The following TSPAN15 variants were observed in gnomAD, a reference collection of about 807,000 sequenced individuals.
TSPAN15 encodes tetraspanin 15.
A neutral mutation model predicts 34.5 loss-of-function variants in TSPAN15; 20 were observed. That is an observed-to-expected ratio of 0.58 (90% CI 0.41 to 0.84). TSPAN15 has a LOEUF of 0.84. TSPAN15 is among the 40% of genes least tolerant of loss of function. The probability of loss-of-function intolerance (pLI) is 0.00; values close to 1 mark genes in which losing one functional copy is unlikely to be tolerated. For missense variants in TSPAN15, 313 were observed against 386.1 expected, an observed-to-expected ratio of 0.81 and a Z score of 1.59; for synonymous variants, 155 against 153.9, an observed-to-expected ratio of 1.01 and a Z score of -0.05.
intron 1 of TSPAN15, among the ~76,000 whole-genome samples, chr10:69,479,276 C>G (rs1841680857): frequency 6.6e-6 from 1 of 152,226 alleles, no homozygotes; most frequent in Non-Finnish European, 1.5e-5. Context: ...GGCACAGGTG[C>G]TGGAATGCCT....
intron 1 of TSPAN15, among the ~76,000 whole-genome samples, chr10:69,466,158 A>T (rs192389287): frequency 2.0e-5 from 3 of 152,304 alleles, no homozygotes; most frequent in Admixed American, 6.5e-5. Context: ...TGCATCCTTT[A>T]ATTTTTATTT....
the TSPAN15 span, among the ~76,000 whole-genome samples, chr10:69,533,890 G>A: frequency 2.0e-4 from 31 of 152,150 alleles, no homozygotes; most frequent in African/African-American, 3.1e-4. Context: ...CCCAGATGGC[G>A]TCTGCTGCAG....
the TSPAN15 span, among the ~76,000 whole-genome samples, chr10:69,549,459 A>C: frequency 1.1e-4 from 16 of 152,290 alleles, no homozygotes; most frequent in East Asian, 3.1e-3. Context: ...CCACCATCTG[A>C]GACATGGCTT....
At chr10:69,517,342 T>C in the TSPAN15 span, among the ~76,000 whole-genome samples, 1 of 152,200 alleles carries the variant, frequency 6.6e-6, no homozygotes, top group Non-Finnish European at 1.5e-5. Context: ...AGGCAGTTCT[T>C]GGAGCAGCTT....
At chr10:69,496,487 G>A (rs952102340) in intron 4 of TSPAN15, among the ~76,000 whole-genome samples, 2 of 152,100 alleles carry the variant, frequency 1.3e-5, no homozygotes, top group Non-Finnish European at 2.9e-5. Flanking sequence ...CTCTTGGGGC[G>A]TCGTCATGAG....
intron 1 of TSPAN15, 65 bp downstream of exon 1, chr10:69,451,755 G>A (rs528410324): frequency 7.6e-7 from 1 of 1,319,150 alleles, no homozygotes. Flanking sequence ...CCCCCTCACT[G>A]GCCCGGGGTT....
chr10:69,478,800 A>T (rs746316118), intron 1 of TSPAN15, among the ~76,000 whole-genome samples: 4 of 152,278 alleles, frequency 2.6e-5, no homozygotes, highest in Non-Finnish European at 5.9e-5. Context: ...AGCGCATTCA[A>T]TCACAAGATC....
intron 1 of TSPAN15, 130 bp from the exon 2 acceptor site, chr10:69,483,561 C>T (rs1004880770): frequency 1.0e-6 from 1 of 959,624 alleles, no homozygotes. Flanking sequence ...CAGCCGCTAA[C>T]AGGGCCCTTT....
the TSPAN15 span, among the ~76,000 whole-genome samples, chr10:69,522,778 A>G: frequency 6.8e-6 from 1 of 147,908 alleles, no homozygotes; most frequent in Non-Finnish European, 1.5e-5. Flanking sequence ...ATTCATGGAA[A>G]AATTATCTTC....
intron 1 of TSPAN15, among the ~76,000 whole-genome samples, chr10:69,461,426 T>G (rs1324065907): frequency 1.3e-5 from 2 of 152,194 alleles, no homozygotes; most frequent in Admixed American, 6.5e-5. Context: ...TTTTCCCTCT[T>G]CAGAGCCCTC....
chr10:69,506,341 C>T lies in TSPAN15; in HGVS notation c.735+101C>T. 8.7e-7 allele frequency: 1 copy of T among 1,144,984 alleles called. No homozygotes were observed. The highest frequency in any genetic ancestry group is 1.3e-6 in the Non-Finnish European group (1 of 781,380). The allele number at this position is 1,144,984 out of a possible 1,614,324, so 70.9% of individuals were successfully genotyped here. A position where few individuals can be genotyped will look rare whatever the true frequency, so the allele number is the denominator to read the frequency against. On this transcript the variant is annotated intron_variant, in intron 7 of 7. Transcript: ENST00000373290. The surrounding 1 kb of genome is among the most constrained non-coding windows in gnomAD (Gnocchi z 4.7). ...CGAAGAGGCTTTTTTCATAGAAGTCCAGGACTTGCCTGGGGAGGGCTGCAT... is the reference window on the plus strand; with the variant it reads ...CGAAGAGGCTTTTTTCATAGAAGTCTAGGACTTGCCTGGGGAGGGCTGCAT...
At chr10:69,468,283 C>A (rs1292346715) in intron 1 of TSPAN15, among the ~76,000 whole-genome samples, 1 of 152,232 alleles carries the variant, frequency 6.6e-6, no homozygotes, top group Non-Finnish European at 1.5e-5. Flanking sequence ...TGGCTGCCCA[C>A]AGCCTGCCTG....
intron 1 of TSPAN15, among the ~76,000 whole-genome samples, chr10:69,453,944 C>G (rs1382560557): frequency 3.9e-5 from 6 of 152,260 alleles, no homozygotes; most frequent in Non-Finnish European, 8.8e-5. Flanking sequence ...CCTGCCAACT[C>G]TGCCAGAGCA....
At chr10:69,473,420 C>T (rs1054376305) in intron 1 of TSPAN15, among the ~76,000 whole-genome samples, 12 of 152,138 alleles carry the variant, frequency 7.9e-5, no homozygotes, top group African/African-American at 1.9e-4. Flanking sequence ...CATTGCTGTC[C>T]GCTTTAGGGT....
chr10:69,522,926 T>G, the TSPAN15 span, among the ~76,000 whole-genome samples: 1 of 148,112 alleles, frequency 6.8e-6, no homozygotes. Context: ...TAAATTTTGA[T>G]GAAGTCCAAT....
At position 69,462,924 on chromosome 10, in the gene TSPAN15, C is replaced by A. The variant is rs140762010; in HGVS notation, c.96+11234C>A. On this transcript the variant is annotated intron_variant, in intron 1 of 7. Transcript: ENST00000373290. ...GAAGTGCAGGGGGAGTCAGTAGGGCCCCATGTGGGCGAGGAAGGGCTGGTG... is the reference window on the plus strand; with the variant it reads ...GAAGTGCAGGGGGAGTCAGTAGGGCACCATGTGGGCGAGGAAGGGCTGGTG... Among the ~76,000 whole-genome samples the A allele has an allele frequency of 2.9e-3, 438 of 152,188 alleles. 5 individuals carry two copies. Among genetic ancestry groups the A allele is most frequent in the East Asian group, 0.021 (110 of 5,180 alleles).
At chr10:69,460,219 TC>T (rs1274873268) in intron 1 of TSPAN15, among the ~76,000 whole-genome samples, 11 of 151,360 alleles carry the variant, frequency 7.3e-5, no homozygotes, top group African/African-American at 2.7e-4. Context: ...GCTGGGCCCC[TC>T]CCACCCCTTA....
the TSPAN15 span, among the ~76,000 whole-genome samples, chr10:69,513,417 C>T: frequency 1.3e-5 from 2 of 152,114 alleles, no homozygotes; most frequent in South Asian, 4.1e-4. Flanking sequence ...CACCATTGCC[C>T]CGGCTGCCCT....
intron 1 of TSPAN15, among the ~76,000 whole-genome samples, chr10:69,480,201 T>C (rs1272002518): frequency 6.6e-6 from 1 of 151,970 alleles, no homozygotes; most frequent in Non-Finnish European, 1.5e-5. Flanking sequence ...CTCTGGTGTT[T>C]GGGGGATGGT....
Sources: allele counts gnomAD v4.1 joint callset (sites outside exome capture counted in the v4.1 genomes callset), GRCh38; gene constraint gnomAD v4.1.1; non-coding constraint Gnocchi (gnomAD v3.1); transcripts MANE v1.5; gene names NCBI Gene and HGNC (gene_info 2026-07-23, HGNC 2026-07-21).